HLA-DPA1: variants seen among roughly 807,000 people sequenced by gnomAD.
HLA-DPA1 encodes the protein HLA class II histocompatibility antigen, DP alpha 1 chain.
A neutral mutation model predicts 21.5 loss-of-function variants in HLA-DPA1; 20 were observed. The ratio of observed to expected loss-of-function variants is 0.93; its 90% confidence interval spans 0.66 to 1.35. The LOEUF is 1.35. Among genes scored for constraint, HLA-DPA1 ranks in the 40% most tolerant of loss-of-function variants. HLA-DPA1 has a pLI of 0.00. For synonymous variants in HLA-DPA1, 123 were observed against 129.6 expected (o/e 0.95, Z 0.35); for missense variants, 279 against 323.0 (o/e 0.86, Z 1.05).
In HLA-DPA1 at chr6:33,075,638, CTGTGGGTGTGTG is replaced by C. The variant is rs1237181557; in HGVS notation, c.-99-1981_-99-1970del. 3.6e-3 allele frequency among the ~76,000 whole-genome samples: 543 copies of C among 152,222 alleles called. 3 individuals are homozygous for C. Among genetic ancestry groups the C allele is most frequent in the East Asian group, 0.026 (133 of 5,184 alleles). On this transcript the variant is annotated intron_variant, in intron 1 of 5. Coordinates refer to ENST00000419277, the Ensembl canonical transcript of HLA-DPA1. ...CACTTTTTCCACAACAGACCATGTC[CTGTGGGTGTGTG>C]AGGTGTGGCAGAATTGGGGAAATGA...
intron 1 of HLA-DPA1, among the ~76,000 whole-genome samples, chr6:33,076,871 T>C (rs1424462397): frequency 6.6e-6 from 1 of 152,152 alleles, no homozygotes; most frequent in Non-Finnish European, 1.5e-5. Context: ...TGTAATATTA[T>C]GGCATCTATG....
chr6:33,069,091 G>A (rs1404663581), exon 4 of HLA-DPA1: 10 of 1,613,016 alleles, frequency 6.2e-6, no homozygotes, highest in Admixed American at 3.3e-5. Flanking sequence ...TCTGCTGAGG[G>A]CACAAAGGTC....
exon 4 of HLA-DPA1, chr6:33,069,043 C>G (rs1258620496): frequency 6.2e-7 from 1 of 1,613,040 alleles, no homozygotes; most frequent in Non-Finnish European, 8.5e-7. Flanking sequence ...AGCGGCTGGT[C>G]CAAGCCCCAG....
chr6:33,076,174 G>A (rs4279481), intron 1 of HLA-DPA1: 1 of 1,441,932 alleles, frequency 6.9e-7, no homozygotes, highest in Non-Finnish European at 9.6e-7. Flanking sequence ...TGGAGGGTCT[G>A]GCTCAGGGAA....
At chr6:33,067,613 A>G (rs189736114) in intron 5 of HLA-DPA1, 70 of 152,314 alleles carry the variant, frequency 4.6e-4, no homozygotes, top group Admixed American at 3.9e-3. Flanking sequence ...ATGCATGGAC[A>G]TATAAAGTAA....
chr6:33,068,657 GTC>G lies in HLA-DPA1; in HGVS notation c.774_775del (p.Thr259ProfsTer17), dbSNP rs909073134. On this transcript the variant is annotated frameshift_variant, in exon 5 of 6. Coordinates refer to ENST00000419277, the Ensembl canonical transcript of HLA-DPA1. LOFTEE classifies it high-confidence loss of function. ...TCCCACCTTTACAGTATTTCACAGGGTCCCCTGGGCCCGGGGGTCATGGCCAG... is the reference window on the plus strand; with the variant it reads ...TCCCACCTTTACAGTATTTCACAGGGCCCTGGGCCCGGGGGTCATGGCCAG... The G allele has an allele frequency of 3.7e-6, 6 of 1,611,890 alleles. No homozygotes were observed. Among genetic ancestry groups the G allele is most frequent in the East Asian group, 4.5e-5 (2 of 44,830 alleles).
chr6:33,067,161 A>T lies in HLA-DPA1; in HGVS notation c.*12+1477T>A, dbSNP rs947363891. The T allele has an allele frequency of 2.0e-4, 31 of 152,330 alleles. No individual in the cohort carries two copies. In the Middle Eastern group the frequency reaches 0.027, roughly 134 times the overall value. 9.4% of individuals were successfully genotyped at this position (152,330 alleles called of 1,614,324 possible). A position where few individuals can be genotyped will look rare whatever the true frequency, so the allele number is the denominator to read the frequency against. ...AATAGTAGAGAACCAGGAATGATCC[A>T]GGTATCCCAGGAGCAATGTAGATAT... is the stretch of plus-strand genomic sequence containing the variant. On this transcript the variant is annotated intron_variant, in intron 5 of 5. Transcript: ENST00000419277.
At chr6:33,077,769 A>G (rs1192912846) in intron 1 of HLA-DPA1, among the ~76,000 whole-genome samples, 1 of 152,070 alleles carries the variant, frequency 6.6e-6, no homozygotes, top group East Asian at 1.9e-4. Flanking sequence ...CACCCCTCCT[A>G]GGACACACCT....
At chr6:33,073,724 C>A in intron 1 of HLA-DPA1, 75 bp from the exon 1 acceptor site, 1 of 604,476 alleles carries the variant, frequency 1.7e-6, no homozygotes, top group Non-Finnish European at 2.9e-6. Flanking sequence ...TCAGAGAAAT[C>A]ATAGAGCTGA....
exon 4 of HLA-DPA1, chr6:33,069,043 C>T: frequency 6.2e-7 from 1 of 1,613,040 alleles, no homozygotes. Context: ...AGCGGCTGGT[C>T]CAAGCCCCAG....
chr6:33,069,090 G>T, exon 4 of HLA-DPA1: 1 of 1,613,008 alleles, frequency 6.2e-7, no homozygotes, highest in Non-Finnish European at 8.5e-7. Flanking sequence ...CTCTGCTGAG[G>T]GCACAAAGGT....
At chr6:33,070,100 T>TA (rs1280153184) in intron 2 of HLA-DPA1, among the ~76,000 whole-genome samples, 8 of 151,118 alleles carry the variant, frequency 5.3e-5, no homozygotes, top group Middle Eastern at 6.8e-3. Flanking sequence ...AAGAACAAAA[T>TA]GAAAAGTTTA....
chr6:33,068,968 C>T (rs1762108121), intron 4 of HLA-DPA1, 51 bp downstream of exon 3: 3 of 1,594,680 alleles, frequency 1.9e-6, no homozygotes, highest in Non-Finnish European at 1.7e-6. Context: ...GACACCAGGT[C>T]TTTGGAATAG....
chr6:33,080,444 T>C lies in HLA-DPA1; in HGVS notation c.-100+236A>G. On this transcript the variant is annotated intron_variant, in intron 1 of 5. Transcript: ENST00000419277. This position sits in a 1 kb window ranked among gnomAD's most constrained non-coding sequence, Gnocchi z 4.3. Reference sequence around the variant, plus strand: ...CTCCCTAGTGATCACTCAGTGCCCCTGAGCTCATTCTTTTCAGTAAATTCT... The same window carrying C: ...CTCCCTAGTGATCACTCAGTGCCCCCGAGCTCATTCTTTTCAGTAAATTCT... 1.4e-6 allele frequency: 1 copy of C among 715,842 alleles called. No homozygotes were observed. Among genetic ancestry groups the C allele is most frequent in the Non-Finnish European group, 2.5e-6 (1 of 392,158 alleles). 44.3% of individuals were successfully genotyped at this position (715,842 alleles called of 1,614,324 possible). A position where few individuals can be genotyped will look rare whatever the true frequency, so the allele number is the denominator to read the frequency against.
chr6:33,065,199 G>A (rs1761900395), exon 6 of HLA-DPA1: 1 of 152,186 alleles, frequency 6.6e-6, no homozygotes, highest in Non-Finnish European at 1.5e-5. Context: ...TTGAGGTAAT[G>A]GATAAGGACA....
At chr6:33,066,474 T>C (rs1488224204) in intron 5 of HLA-DPA1, 2 of 152,224 alleles carry the variant, frequency 1.3e-5, no homozygotes, top group African/African-American at 2.4e-5. Flanking sequence ...ATGTGAAATT[T>C]AAAACTGTAG....
At chr6:33,076,600 A>G (rs2150367253) in intron 1 of HLA-DPA1, among the ~76,000 whole-genome samples, 1 of 152,330 alleles carries the variant, frequency 6.6e-6, no homozygotes, top group Admixed American at 6.5e-5. Flanking sequence ...AGGGTGGAGC[A>G]GGAGCCCACA....
chr6:33,065,023 C>T (rs1484799457), exon 6 of HLA-DPA1: 1 of 152,094 alleles, frequency 6.6e-6, no homozygotes, highest in Non-Finnish European at 1.5e-5. Context: ...CTCTGAAATA[C>T]TGAAGTATTT....
chr6:33,078,313 A>G (rs1261193466), intron 1 of HLA-DPA1, among the ~76,000 whole-genome samples: 2 of 152,106 alleles, frequency 1.3e-5, no homozygotes, highest in African/African-American at 4.8e-5. Context: ...AACCTGCTGG[A>G]GGGAGAGCTG....
Sources: allele counts gnomAD v4.1 joint callset (sites outside exome capture counted in the v4.1 genomes callset), GRCh38; gene constraint gnomAD v4.1.1; non-coding constraint Gnocchi (gnomAD v3.1); transcripts MANE v1.5; gene names NCBI Gene and HGNC (gene_info 2026-07-23, HGNC 2026-07-21).